Variants in AKAP12 observed in about 807,000 individuals in gnomAD.
The protein encoded by AKAP12 is A-kinase anchor protein 12.
A neutral mutation model predicts 79.9 loss-of-function variants in AKAP12; 32 were observed. That is an observed-to-expected ratio of 0.40 (90% CI 0.30 to 0.54). The LOEUF (loss-of-function observed/expected upper bound fraction) is 0.54. AKAP12 is among the 20% of genes least tolerant of loss of function. The probability of loss-of-function intolerance (pLI) is 0.48; values close to 1 mark genes in which losing one functional copy is unlikely to be tolerated. For synonymous variants in AKAP12, 808 were observed against 857.0 expected (o/e 0.94, Z 1.00); for missense variants, 2,074 against 2,177.0 (o/e 0.95, Z 0.94).
chr6:151,332,642 T>C (rs1295071970), intron 3 of AKAP12, among the ~76,000 whole-genome samples: 2 of 152,172 alleles, frequency 1.3e-5, no homozygotes, highest in African/African-American at 4.8e-5. Context: ...GTATCACACA[T>C]GGGTATGTGG....
intron 3 of AKAP12, among the ~76,000 whole-genome samples, chr6:151,340,485 G>A (rs529489936): frequency 1.3e-3 from 196 of 152,302 alleles, no homozygotes; most frequent in African/African-American, 4.5e-3. Context: ...ACCGCAGACT[G>A]TCCTCCCAAG....
intron 3 of AKAP12, among the ~76,000 whole-genome samples, chr6:151,342,196 G>C (rs1410214913): frequency 1.3e-5 from 2 of 152,256 alleles, no homozygotes; most frequent in African/African-American, 4.8e-5. Context: ...GCAAAGTGTG[G>C]GACGCAGAAC....
intron 3 of AKAP12, among the ~76,000 whole-genome samples, chr6:151,318,076 G>A (rs969747190): frequency 2.5e-4 from 38 of 152,198 alleles, no homozygotes; most frequent in African/African-American, 8.4e-4. Flanking sequence ...TAACTCTAAG[G>A]TGATGTGGTA....
chr6:151,257,229 C>G (rs1205273917), intron 2 of AKAP12, among the ~76,000 whole-genome samples: 1 of 151,992 alleles, frequency 6.6e-6, no homozygotes, highest in Non-Finnish European at 1.5e-5. Flanking sequence ...TCTAGTAGTT[C>G]CCAGTGTCTA....
At chr6:151,315,005 T>G (rs1777203411) in intron 3 of AKAP12, among the ~76,000 whole-genome samples, 1 of 145,558 alleles carries the variant, frequency 6.9e-6, no homozygotes, top group South Asian at 2.2e-4. Flanking sequence ...TGAGCCGAGA[T>G]CACACCATTG....
chr6:151,339,574 T>G (rs1379129107), intron 3 of AKAP12, among the ~76,000 whole-genome samples: 1 of 152,156 alleles, frequency 6.6e-6, no homozygotes, highest in East Asian at 1.9e-4. Context: ...TCAATGAACC[T>G]GCACTGACAC....
chr6:151,334,650 C>CT (rs1777765330), intron 3 of AKAP12, among the ~76,000 whole-genome samples: 1 of 145,846 alleles, frequency 6.9e-6, no homozygotes, highest in Admixed American at 6.8e-5. Flanking sequence ...GAGACGGAGT[C>CT]TTGCTCTGTC....
chr6:151,349,079 A>G lies in AKAP12; in HGVS notation c.688A>G (p.Ser230Gly), dbSNP rs748600912. ...LGAGEAASKE[S>G]EPKQSTEKPE... Reference sequence around the variant, plus strand: ...GGCTGGAGAAGCAGCATCCAAAGAAAGCGAACCCAAACAATCTACAGAGAA... The same window carrying G: ...GGCTGGAGAAGCAGCATCCAAAGAAGGCGAACCCAAACAATCTACAGAGAA... The change falls in exon 4 of 5, where the codon AGC becomes GGC. Residue 230 changes from serine (S) to glycine (G), a missense_variant. By Grantham distance (56) the Ser-to-Gly change is moderately conservative. Transcript: ENST00000402676. The G allele has an allele frequency of 6.2e-7, 1 of 1,612,318 alleles. No homozygotes were observed. The highest frequency in any genetic ancestry group is 8.5e-7 in the Non-Finnish European group (1 of 1,179,598).
chr6:151,262,963 C>T (rs1797466781), intron 2 of AKAP12, among the ~76,000 whole-genome samples: 1 of 152,186 alleles, frequency 6.6e-6, no homozygotes, highest in Non-Finnish European at 1.5e-5. Flanking sequence ...AGTTCAAGCA[C>T]ATTTTCTTTG....
In AKAP12 at chr6:151,261,794, G is replaced by C. The variant is rs146313101; in HGVS notation, c.162+21070G>C. Among the ~76,000 whole-genome samples, 473 of 149,776 alleles carry C rather than the reference G, an allele frequency of 3.2e-3. 10 individuals are homozygous for C. The highest frequency in any genetic ancestry group is 0.022 in the East Asian group (109 of 4,928). ...ATTTATGAGATGGAGTTTCACTCTT[G>C]TTCCCCAGGGTGGAGTGCAATGGCG... On this transcript the variant is annotated intron_variant, in intron 2 of 4. Coordinates refer to ENST00000402676, the MANE Select transcript of AKAP12 (RefSeq NM_005100.4).
intron 3 of AKAP12, chr6:151,324,553 C>A: frequency 1.0e-6 from 1 of 985,414 alleles, no homozygotes; most frequent in Non-Finnish European, 1.2e-6. Flanking sequence ...GCTCCCCTCC[C>A]TCCTCCCTGC....
intron 2 of AKAP12, among the ~76,000 whole-genome samples, chr6:151,272,361 A>AC (rs1776202700): frequency 7.3e-6 from 1 of 136,164 alleles, no homozygotes; most frequent in African/African-American, 3.4e-5. Context: ...AAAAAAAAAC[A>AC]AAAAAAACAG....
At chr6:151,288,096 G>A (rs9479004) in intron 2 of AKAP12, among the ~76,000 whole-genome samples, 46,088 of 150,962 alleles carry the variant, frequency 0.31, 7,674 homozygotes, top group Non-Finnish European at 0.39. Flanking sequence ...GATGGCATTA[G>A]GAGAAATACC....
At chr6:151,290,707 G>A (rs1208051576) in intron 2 of AKAP12, among the ~76,000 whole-genome samples, 1 of 151,966 alleles carries the variant, frequency 6.6e-6, no homozygotes, top group Admixed American at 6.6e-5. Context: ...CCAGGTTCAA[G>A]CGATTCTTCT....
intron 2 of AKAP12, among the ~76,000 whole-genome samples, chr6:151,264,661 A>C (rs1035535092): frequency 2.1e-5 from 3 of 139,892 alleles, no homozygotes; most frequent in African/African-American, 9.1e-5. Context: ...AGAGTGTGAG[A>C]CTTCATCTCA....
At chr6:151,240,310 A>G (rs1434677612) in intron 1 of AKAP12, 74 bp from the exon 2 acceptor site, 4 of 355,880 alleles carry the variant, frequency 1.1e-5, no homozygotes, top group Non-Finnish European at 2.0e-5. Context: ...CATGTGATGA[A>G]GCGAGGGAAA....
At chr6:151,288,832 G>A (rs1315935935) in intron 2 of AKAP12, among the ~76,000 whole-genome samples, 2 of 152,214 alleles carry the variant, frequency 1.3e-5, no homozygotes, top group Non-Finnish European at 2.9e-5. Flanking sequence ...CCTGGTCTGT[G>A]TTCCGCTGTA....
chr6:151,331,144 A>G (rs1453052583), intron 3 of AKAP12, among the ~76,000 whole-genome samples: 2 of 152,214 alleles, frequency 1.3e-5, no homozygotes, highest in Non-Finnish European at 2.9e-5. Flanking sequence ...TTTGTACATG[A>G]AATGATTTCA....
At chr6:151,291,604 G>C (rs1350936661) in intron 2 of AKAP12, among the ~76,000 whole-genome samples, 10 of 152,206 alleles carry the variant, frequency 6.6e-5, no homozygotes, top group Non-Finnish European at 8.8e-5. Context: ...GAGGCTGCTT[G>C]TATTCCGTGG....
Sources: gnomAD v4.1 joint callset for allele counts (sites outside exome capture counted in the v4.1 genomes callset) on GRCh38, gnomAD v4.1.1 for gene constraint, MANE v1.5 for transcripts, NCBI Gene and HGNC (gene_info 2026-07-23, HGNC 2026-07-21) for gene names.